Variants in SPAG16 observed in about 807,000 individuals in gnomAD.
The protein encoded by SPAG16 is sperm associated antigen 16.
Under a neutral mutation model 80.4 loss-of-function variants are expected in SPAG16, and 86 were observed. The ratio of observed to expected loss-of-function variants is 1.07; its 90% CI spans 0.90 to 1.28. The LOEUF is 1.28. Ranked by LOEUF, SPAG16 falls within the 50% of genes most tolerant of loss-of-function variation. SPAG16 has a pLI of 0.00. For synonymous variants in SPAG16, 294 were observed against 265.9 expected (o/e 1.11, Z -1.03); for missense variants, 870 against 765.3 (o/e 1.14, Z -1.61).
chr2:214,282,310 AAAG>A (rs1219686311), intron 15 of SPAG16, among the ~76,000 whole-genome samples: 1 of 152,162 alleles, frequency 6.6e-6, no homozygotes, highest in African/African-American at 2.4e-5. Context: ...TATCAGAAAA[AAAG>A]AAAATGGTAC....
chr2:213,812,530 C>T lies in SPAG16; in HGVS notation c.1071-49955C>T, dbSNP rs866032205. Among the ~76,000 whole-genome samples, 15 of 152,210 alleles carry T rather than the reference C, an allele frequency of 9.9e-5. No homozygotes were observed. In the Middle Eastern group the frequency reaches 0.014, roughly 138 times the overall value. ...GAAATAAAGGTGATTGGATGATTAC[C>T]TGGTAGCAGATGTATGTTTATTTGT... is the stretch of plus-strand genomic sequence containing the variant. On this transcript the variant is annotated intron_variant, in intron 10 of 15. Transcript: ENST00000331683.
At chr2:214,252,624 C>A (rs991561436) in intron 15 of SPAG16, among the ~76,000 whole-genome samples, 2 of 152,162 alleles carry the variant, frequency 1.3e-5, no homozygotes, top group Non-Finnish European at 2.9e-5. Flanking sequence ...AGAACATGAA[C>A]TCATCCATTT....
chr2:213,428,300 G>A (rs548333497), intron 9 of SPAG16, among the ~76,000 whole-genome samples: 1 of 152,314 alleles, frequency 6.6e-6, no homozygotes, highest in African/African-American at 2.4e-5. Context: ...AATCCAGGCT[G>A]TGAGAGAATA....
At chr2:213,726,762 A>G (rs2066787595) in intron 10 of SPAG16, among the ~76,000 whole-genome samples, 1 of 152,254 alleles carries the variant, frequency 6.6e-6, no homozygotes. Context: ...TAAAATATCC[A>G]AAAGACTGAA....
In SPAG16 at chr2:214,200,613, C is replaced by A. The variant is rs545471988; in HGVS notation, c.1720+51347C>A. 2.6e-5 allele frequency among the ~76,000 whole-genome samples: 4 copies of A among 152,180 alleles called. No individual in the cohort carries two copies. The South Asian group carries it at 8.3e-4, about 32-fold the overall frequency. ...GCTTGAGCCCAGGAGGCAGAGGTTG[C>A]AGTGTGCTGAGATTGCACCACTTCA... On this transcript the variant is annotated intron_variant, in intron 15 of 15. Transcript: ENST00000331683.
intron 14 of SPAG16, among the ~76,000 whole-genome samples, chr2:214,120,599 G>C (rs1424254839): frequency 6.6e-6 from 1 of 151,720 alleles, no homozygotes; most frequent in Non-Finnish European, 1.5e-5. Flanking sequence ...CTTGAGCTCT[G>C]TATTGTTGTA....
chr2:213,976,203 CACAT>C (rs1195928504), intron 12 of SPAG16, among the ~76,000 whole-genome samples: 1 of 148,186 alleles, frequency 6.7e-6, no homozygotes, highest in Non-Finnish European at 1.5e-5. Flanking sequence ...TGTATATATA[CACAT>C]ACATATGTAC....
At chr2:214,108,165 A>T (rs775223955) in intron 13 of SPAG16, 31 bp from the exon 14 acceptor site, 2 of 1,517,544 alleles carry the variant, frequency 1.3e-6, no homozygotes, top group Non-Finnish European at 1.8e-6. Flanking sequence ...AAAGAAATTT[A>T]TTTGACTCTG....
chr2:214,020,681 C>A (rs1216877807), intron 13 of SPAG16, among the ~76,000 whole-genome samples: 2 of 152,264 alleles, frequency 1.3e-5, no homozygotes, highest in East Asian at 1.9e-4. Context: ...CTGTACTTAC[C>A]AATGTGCAGG....
chr2:213,929,748 A>G (rs956348796), intron 11 of SPAG16, among the ~76,000 whole-genome samples: 1 of 152,174 alleles, frequency 6.6e-6, no homozygotes, highest in Non-Finnish European at 1.5e-5. Flanking sequence ...GCACAGCAGC[A>G]GTTTCTCTCT....
At chr2:213,315,289 C>T (rs1306426777) in intron 4 of SPAG16, among the ~76,000 whole-genome samples, 2 of 151,850 alleles carry the variant, frequency 1.3e-5, no homozygotes, top group Non-Finnish European at 2.9e-5. Flanking sequence ...TCACTCCCAC[C>T]TCCCTCTTTA....
At position 214,336,958 on chromosome 2, in the gene SPAG16, C is replaced by A. The variant is rs55639832; in HGVS notation, c.1721-73182C>A. 3.6e-3 allele frequency among the ~76,000 whole-genome samples: 214 copies of A among 59,632 alleles called. 2 individuals carry two copies. Among genetic ancestry groups the A allele is most frequent in the Middle Eastern group, 9.4e-3 (1 of 106 alleles). 39.1% of individuals were successfully genotyped at this position (59,632 alleles called of 152,430 possible). A position where few individuals can be genotyped will look rare whatever the true frequency, so the allele number is the denominator to read the frequency against. ...GCTGTTGAATGAGGCTTCTAGACTACCTCACTTCTTCCAATATAACTGATC... is the reference window on the plus strand; with the variant it reads ...GCTGTTGAATGAGGCTTCTAGACTAACTCACTTCTTCCAATATAACTGATC... On this transcript the variant is annotated intron_variant, in intron 15 of 15. Coordinates refer to ENST00000331683, the MANE Select transcript of SPAG16 (RefSeq NM_024532.5).
chr2:213,857,838 G>GA (rs1212922078), intron 10 of SPAG16, among the ~76,000 whole-genome samples: 21 of 152,328 alleles, frequency 1.4e-4, no homozygotes, highest in Admixed American at 1.3e-3. Flanking sequence ...TGATTTATAG[G>GA]AAGAGATCAA....
At chr2:213,718,626 A>T (rs1043585069) in intron 10 of SPAG16, among the ~76,000 whole-genome samples, 53 of 152,278 alleles carry the variant, frequency 3.5e-4, no homozygotes, top group African/African-American at 1.2e-3. Flanking sequence ...TGGGGGACTT[A>T]GCACCCGGGC....
At chr2:213,300,540 C>T (rs905734410) in intron 3 of SPAG16, among the ~76,000 whole-genome samples, 10 of 152,142 alleles carry the variant, frequency 6.6e-5, no homozygotes, top group African/African-American at 2.4e-4. Flanking sequence ...CATATCACAA[C>T]AGGTCAAATG....
rs560193383 is a variant in SPAG16, at chr2:214,126,086, G to A, written c.1593+17825G>A. Reference sequence around the variant, plus strand: ...TTTTTTTTTTTTTTTTTTTTTTGGCGTTTCTGTATAGCATTTCTTTCACCT... The same window carrying A: ...TTTTTTTTTTTTTTTTTTTTTTGGCATTTCTGTATAGCATTTCTTTCACCT... On this transcript the variant is annotated intron_variant, in intron 14 of 15. Transcript: ENST00000331683. Among the ~76,000 whole-genome samples, 35 of 82,446 alleles carry A rather than the reference G, an allele frequency of 4.2e-4. No homozygotes were observed. In the Middle Eastern group the frequency reaches 0.064, roughly 150 times the overall value. 54.1% of individuals were successfully genotyped at this position (82,446 alleles called of 152,430 possible). A position where few individuals can be genotyped will look rare whatever the true frequency, so the allele number is the denominator to read the frequency against.
At chr2:213,523,887 A>C (rs553529796) in intron 10 of SPAG16, among the ~76,000 whole-genome samples, 2 of 152,216 alleles carry the variant, frequency 1.3e-5, no homozygotes, top group African/African-American at 4.8e-5. Flanking sequence ...GAGCATAAAA[A>C]TTTGGAAAAT....
chr2:214,379,173 T>C (rs956096364), intron 15 of SPAG16, among the ~76,000 whole-genome samples: 1 of 152,250 alleles, frequency 6.6e-6, no homozygotes, highest in South Asian at 2.1e-4. Flanking sequence ...TCTTCTGTGA[T>C]TGAAATTTGC....
chr2:213,647,732 C>A (rs1182379551), intron 10 of SPAG16, among the ~76,000 whole-genome samples: 1 of 152,200 alleles, frequency 6.6e-6, no homozygotes, highest in Non-Finnish European at 1.5e-5. Context: ...GTAGGTCAGG[C>A]TCTTGCCAGG....
Sources: allele counts gnomAD v4.1 joint callset (sites outside exome capture counted in the v4.1 genomes callset), GRCh38; gene constraint gnomAD v4.1.1; transcripts MANE v1.5; gene names NCBI Gene and HGNC (gene_info 2026-07-23, HGNC 2026-07-21).